The following MTA1 variants were observed in gnomAD, a reference collection of about 807,000 sequenced individuals.
The protein encoded by MTA1 is metastasis-associated protein MTA1.
A neutral mutation model predicts 97.0 loss-of-function variants in MTA1; 15 were observed. The observed-to-expected ratio is 0.15, with a 90% CI of 0.10 to 0.24. The LOEUF (loss-of-function observed/expected upper bound fraction) is 0.24, where lower values mean the gene tolerates loss of function less well. MTA1 is among the 10% of genes least tolerant of loss of function. The pLI is 1.00. For synonymous variants in MTA1, 435 were observed against 417.5 expected (o/e 1.04, Z -0.51); for missense variants, 709 against 1,015.1 (o/e 0.70, Z 4.10).
At chr14:105,468,483 C>T in intron 18 of MTA1, 1 of 840,734 alleles carries the variant, frequency 1.2e-6, no homozygotes, top group Non-Finnish European at 1.7e-6. Context: ...CCCTGCCCGG[C>T]AGAGCTAAGC....
rs1595231113 is a variant in MTA1, at chr14:105,419,949, G to A, written c.-87G>A. On this transcript the variant is annotated 5_prime_UTR_variant, in exon 1 of 21. Coordinates refer to ENST00000331320, the MANE Select transcript of MTA1 (RefSeq NM_004689.4). ...CCTTTAAACGCCTGCGGCGCCCCCC[G>A]CCCCCGCCATCGCGCCTCCATTTTC... The A allele has an allele frequency of 2.6e-6, 1 of 386,372 alleles. No homozygotes were observed. The highest frequency in any genetic ancestry group is 3.4e-6 in the Non-Finnish European group (1 of 293,274). The allele number at this position is 386,372 out of a possible 1,614,324, so 23.9% of individuals were successfully genotyped here.
intron 3 of MTA1, among the ~76,000 whole-genome samples, chr14:105,448,410 G>A (rs932017016): frequency 6.6e-6 from 1 of 152,190 alleles, no homozygotes; most frequent in Non-Finnish European, 1.5e-5. Context: ...TTTCGGAGCC[G>A]CTGTGGGCTC....
At chr14:105,443,396 A>C (rs890538065) in intron 2 of MTA1, among the ~76,000 whole-genome samples, 11 of 152,174 alleles carry the variant, frequency 7.2e-5, no homozygotes, top group Admixed American at 1.3e-4. Context: ...TTTTGAAACA[A>C]GGTCTTGCTC....
In MTA1 at chr14:105,449,476, C is replaced by T. The variant is rs782188107; in HGVS notation, c.241+67C>T. The T allele has an allele frequency of 4.7e-5, 73 of 1,549,812 alleles. 1 individual carries two copies. The highest frequency in any genetic ancestry group is 4.7e-4 in the South Asian group (40 of 85,892). On this transcript the variant is annotated intron_variant, in intron 4 of 20. Transcript: ENST00000331320. ...GTCCCTGGGCTGGGGGCGGCAGCGC[C>T]GCTGAGGGACAGAGTTTGGGCGGGC...
rs587595534 is a variant in MTA1, at chr14:105,439,497, G to A, written c.96+758G>A. Among the ~76,000 whole-genome samples the A allele has an allele frequency of 6.9e-3, 1,057 of 152,316 alleles. 4 individuals carry two copies. Among genetic ancestry groups the A allele is most frequent in the South Asian group, 0.013 (63 of 4,830 alleles). On this transcript the variant is annotated intron_variant, in intron 2 of 20. Transcript: ENST00000331320. The stretch of plus-strand genomic sequence containing the variant: ...TCCCATCAGCTCGGGAGACAGAGCC[G>A]TAGATGGCCATGGAGGTGTAGGGCG...
At chr14:105,439,451 A>ACTG (rs1378248925) in intron 2 of MTA1, among the ~76,000 whole-genome samples, 1 of 152,148 alleles carries the variant, frequency 6.6e-6, no homozygotes, top group African/African-American at 2.4e-5. Context: ...CCTGGCCTCC[A>ACTG]CTGCCTCGGC....
chr14:105,421,153 A>G (rs782681732), intron 1 of MTA1, among the ~76,000 whole-genome samples: 56 of 152,154 alleles, frequency 3.7e-4, no homozygotes, highest in Non-Finnish European at 7.1e-4. Context: ...ATGGGCGGTC[A>G]GTCCGCATCA....
At chr14:105,438,296 T>C (rs1595307569) in intron 1 of MTA1, among the ~76,000 whole-genome samples, 1 of 151,964 alleles carries the variant, frequency 6.6e-6, no homozygotes, top group Non-Finnish European at 1.5e-5. Context: ...CCCGGCAGGG[T>C]CTGGGCAGTG....
intron 2 of MTA1, among the ~76,000 whole-genome samples, chr14:105,441,775 CAG>C (rs1273459644): frequency 6.6e-6 from 1 of 152,064 alleles, no homozygotes; most frequent in African/African-American, 2.4e-5. Context: ...GCCTGGGCGA[CAG>C]AGCGAGACTC....
chr14:105,462,292 C>T (rs747748542), intron 10 of MTA1, among the ~76,000 whole-genome samples: 18 of 152,188 alleles, frequency 1.2e-4, no homozygotes, highest in African/African-American at 3.4e-4. Context: ...TGCCACAGCC[C>T]GGGCGCAGTG....
intron 2 of MTA1, among the ~76,000 whole-genome samples, chr14:105,441,397 C>T (rs1405592503): frequency 2.0e-5 from 3 of 152,190 alleles, no homozygotes; most frequent in Non-Finnish European, 4.4e-5. Flanking sequence ...GCCCATGCAG[C>T]GAGCTGCCCA....
intron 2 of MTA1, among the ~76,000 whole-genome samples, chr14:105,444,370 G>C (rs2082644910): frequency 6.6e-6 from 1 of 150,422 alleles, no homozygotes; most frequent in Admixed American, 6.6e-5. Flanking sequence ...GCAAGACTCT[G>C]TCTCAAAAAA....
intron 1 of MTA1, among the ~76,000 whole-genome samples, chr14:105,425,201 C>G (rs1566996053): frequency 6.6e-6 from 1 of 152,240 alleles, no homozygotes; most frequent in Admixed American, 6.5e-5. Flanking sequence ...CCCCCTTCCC[C>G]AGGAGGAGCC....
chr14:105,470,136 T>G lies in MTA1; in HGVS notation c.2069T>G (p.Leu690Arg). 6.2e-7 allele frequency: 1 copy of G among 1,612,186 alleles called. No individual in the cohort carries two copies. The highest frequency in any genetic ancestry group is 8.5e-7 in the Non-Finnish European group (1 of 1,179,702). ...AARRPYKPIA[L>R]RQSQALPPRP... ...CGCCGGCCCTACAAGCCCATCGCCC[T>G]GCGCCAGAGCCAGGCCCTGCCGCCG... Residue 690 changes from leucine (L) to arginine (R), a missense_variant, in exon 21 of 21, where the codon CTG becomes CGG. By Grantham distance (102) the Leu-to-Arg change is moderately radical. Around this residue, in one of 2 missense-constraint regions of MTA1, gnomAD observed 388 missense variants for 421.6 expected, o/e 0.92. Coordinates refer to ENST00000331320, the MANE Select transcript of MTA1 (RefSeq NM_004689.4).
At chr14:105,469,564 G>A in intron 19 of MTA1, 66 bp downstream of exon 19, 9 of 1,576,376 alleles carry the variant, frequency 5.7e-6, no homozygotes, top group Non-Finnish European at 7.8e-6. Context: ...GTGTTGGGAA[G>A]AGGCCTGGCC....
intron 16 of MTA1, chr14:105,465,416 G>A (rs903775345): frequency 1.1e-5 from 4 of 372,352 alleles, no homozygotes; most frequent in African/African-American, 2.1e-5. Flanking sequence ...GCGGAGTAGC[G>A]GCCGCCCTGT....
chr14:105,467,492 G>C (rs1567048945), intron 18 of MTA1: 1 of 455,964 alleles, frequency 2.2e-6, no homozygotes, highest in Admixed American at 2.3e-5. Context: ...AGGCTGCTGG[G>C]TGTCCTGGCA....
chr14:105,466,622 G>A (rs1555432947), intron 17 of MTA1, 44 bp downstream of exon 17: 1 of 1,575,022 alleles, frequency 6.3e-7, no homozygotes, highest in Non-Finnish European at 8.6e-7. Context: ...TCCCCGCCCG[G>A]TGAGTCCGGC....
chr14:105,441,490 C>T (rs1248030624), intron 2 of MTA1, among the ~76,000 whole-genome samples: 1 of 152,174 alleles, frequency 6.6e-6, no homozygotes, highest in Non-Finnish European at 1.5e-5. Flanking sequence ...GGTCAGCCAG[C>T]ACATGTAAAA....
Sources: gnomAD v4.1 joint callset for allele counts (sites outside exome capture counted in the v4.1 genomes callset) on GRCh38, gnomAD v4.1.1 for gene constraint, gnomAD v4.1.1 regional missense constraint, MANE v1.5 for transcripts, NCBI Gene and HGNC (gene_info 2026-07-23, HGNC 2026-07-21) for gene names.